VGLL4: variants seen among roughly 807,000 people sequenced by gnomAD.
VGLL4 encodes the protein transcription cofactor vestigial-like protein 4.
Under a neutral mutation model 21.0 loss-of-function variants are expected in VGLL4, and 7 were observed. That is an observed-to-expected ratio of 0.33 (90% CI 0.19 to 0.63). The LOEUF (loss-of-function observed/expected upper bound fraction) is 0.63, where lower values mean the gene tolerates loss of function less well. Among genes scored for constraint, VGLL4 ranks in the 20% least tolerant of loss-of-function variants. The pLI, the probability that VGLL4 is intolerant of heterozygous loss-of-function variation, is 0.78. For missense variants in VGLL4, 394 were observed against 425.7 expected, an observed-to-expected ratio of 0.93 and a Z score of 0.66; for synonymous variants, 222 against 173.2, an observed-to-expected ratio of 1.28 and a Z score of -2.21.
intron 2 of VGLL4, among the ~76,000 whole-genome samples, chr3:11,699,959 A>G (rs1416870819): frequency 1.3e-5 from 2 of 152,196 alleles, no homozygotes; most frequent in Admixed American, 1.3e-4. Context: ...TCTTTCCCTT[A>G]GCAGTATCGT....
intron 2 of VGLL4, among the ~76,000 whole-genome samples, chr3:11,587,850 G>GA (rs1247287149): frequency 8.8e-6 from 1 of 113,820 alleles, no homozygotes; most frequent in African/African-American, 8.3e-5. Flanking sequence ...CAAGAAACCT[G>GA]GGGGGCTTCT....
Position 11,558,471 on chromosome 3 carries a change from C to G in VGLL4, c.*85G>C. 7.3e-7 allele frequency: 1 copy of G among 1,369,954 alleles called. No individual in the cohort carries two copies. The highest frequency in any genetic ancestry group is 9.8e-7 in the Non-Finnish European group (1 of 1,021,064). The allele number at this position is 1,369,954 out of a possible 1,614,324, so 84.9% of individuals were successfully genotyped here. The stretch of plus-strand genomic sequence containing the variant: ...CCTTCCCTTCCCCCCACCCCACCCC[C>G]ATGATTTTTTTTTTTTTAAGTACTG... On this transcript the variant is annotated 3_prime_UTR_variant, in exon 5 of 5. Coordinates refer to ENST00000430365, the MANE Select transcript of VGLL4 (RefSeq NM_001128219.3).
At position 11,559,336 on chromosome 3, in the gene VGLL4, CGGT is replaced by C. The variant is rs1559851261; in HGVS notation, c.612_614del (p.Pro205del). On this transcript the variant is annotated inframe_deletion, in exon 4 of 5. Coordinates refer to ENST00000430365, the MANE Select transcript of VGLL4 (RefSeq NM_001128219.3). ...GAGGAGGCCCGGGACACTCACCGCT[CGGT>C]GGCCTCCGGTAGCTGGCAGGCCCGG... 9.7e-6 allele frequency: 15 copies of C among 1,541,014 alleles called. No homozygotes were observed. Among genetic ancestry groups the C allele is most frequent in the East Asian group, 2.4e-5 (1 of 40,934 alleles).
intron 4 of VGLL4, 135 bp downstream of exon 4, chr3:11,559,197 G>A (rs923525735): frequency 2.2e-5 from 30 of 1,389,554 alleles, no homozygotes; most frequent in Middle Eastern, 2.3e-4. Context: ...CACACTGGAC[G>A]TGCTCAAGAA....
chr3:11,593,950 G>A (rs949381493), intron 2 of VGLL4, among the ~76,000 whole-genome samples: 1 of 152,196 alleles, frequency 6.6e-6, no homozygotes, highest in Admixed American at 6.5e-5. Context: ...ATCCCAGTGT[G>A]AGCCTAGGGG....
chr3:11,678,258 G>T (rs944352647), intron 2 of VGLL4, among the ~76,000 whole-genome samples: 2 of 152,142 alleles, frequency 1.3e-5, no homozygotes, highest in African/African-American at 4.8e-5. Flanking sequence ...GTTTCACTAT[G>T]TTGGCCAGGC....
intron 2 of VGLL4, among the ~76,000 whole-genome samples, chr3:11,700,333 TAACTA>T (rs895472874): frequency 3.8e-4 from 58 of 152,346 alleles, no homozygotes; most frequent in African/African-American, 1.2e-3. Flanking sequence ...TTATTATTCC[TAACTA>T]AAGTTGGGCA....
chr3:11,562,626 G>C (rs1328322032), intron 3 of VGLL4, among the ~76,000 whole-genome samples: 1 of 152,236 alleles, frequency 6.6e-6, no homozygotes, highest in Non-Finnish European at 1.5e-5. Flanking sequence ...GCCCAGCTCG[G>C]ATTGGTGTGC....
chr3:11,666,164 G>A (rs545953266), intron 2 of VGLL4, among the ~76,000 whole-genome samples: 90 of 151,802 alleles, frequency 5.9e-4, no homozygotes, highest in Admixed American at 8.5e-4. Context: ...AGGCAGGAGA[G>A]TGGCGTGAAC....
At chr3:11,713,977 C>T (rs182445888) in intron 1 of VGLL4, among the ~76,000 whole-genome samples, 90 of 152,208 alleles carry the variant, frequency 5.9e-4, no homozygotes, top group African/African-American at 2.0e-3. Context: ...GGCAGGGGTA[C>T]GATACTTAGT....
In VGLL4 at chr3:11,624,881, G is replaced by A. The variant is rs554209090; in HGVS notation, c.82+18556C>T. Among the ~76,000 whole-genome samples the A allele has an allele frequency of 1.8e-4, 27 of 152,192 alleles. 2 individuals are homozygous for A. The South Asian group carries it at 5.4e-3, about 30-fold the overall frequency. ...AGCATTCTCTCAGCTAGCTTCTCAC[G>A]ATTACATTTAAAACCACCACAAAGC... is the stretch of plus-strand genomic sequence containing the variant. On this transcript the variant is annotated intron_variant, in intron 1 of 4. Transcript: ENST00000430365.
chr3:11,558,506 A>C lies in VGLL4; in HGVS notation c.*50T>G, dbSNP rs143606016. The C allele has an allele frequency of 4.3e-4, 678 of 1,569,912 alleles. 6 individuals are homozygous for C. The African/African-American group carries it at 7.1e-3, about 16-fold the overall frequency. ...TTTTTTTTAAGTACTGACTGTTCAA[A>C]GCTCAGGCAAACCATGCAGATCCAC... On this transcript the variant is annotated 3_prime_UTR_variant, in exon 5 of 5. Coordinates refer to ENST00000430365, the MANE Select transcript of VGLL4 (RefSeq NM_001128219.3).
intron 2 of VGLL4, among the ~76,000 whole-genome samples, chr3:11,688,119 C>T (rs1267372897): frequency 6.6e-6 from 1 of 152,068 alleles, no homozygotes; most frequent in African/African-American, 2.4e-5. Flanking sequence ...TTGAAACATC[C>T]TTGCATTCTT....
chr3:11,565,028 G>C lies in VGLL4; in HGVS notation c.273-9C>G, dbSNP rs1159984594. On this transcript the variant is annotated splice_polypyrimidine_tract_variant and intron_variant, in intron 2 of 4. Coordinates refer to ENST00000430365, the MANE Select transcript of VGLL4 (RefSeq NM_001128219.3). This position sits in a 1 kb window ranked among gnomAD's most constrained non-coding sequence, Gnocchi z 4.1. ...CATTGGCAGTCTTGTTCCTGAAAAA[G>C]AGGAATGGGCATTCAGGGGGCGTTT... The C allele has an allele frequency of 2.0e-6, 3 of 1,474,862 alleles. No homozygotes were observed. Among genetic ancestry groups the C allele is most frequent in the Non-Finnish European group, 2.7e-6 (3 of 1,114,546 alleles). The allele number at this position is 1,474,862 out of a possible 1,614,324, so 91.4% of individuals were successfully genotyped here.
intron 2 of VGLL4, among the ~76,000 whole-genome samples, chr3:11,571,513 G>A (rs539899423): frequency 4.6e-5 from 7 of 151,990 alleles, no homozygotes; most frequent in South Asian, 2.1e-4. Flanking sequence ...GCAAAACCCC[G>A]TCTCTACAAA....
In VGLL4 at chr3:11,643,531, CAAAG is replaced by C; in HGVS notation, c.-17_-14del. On this transcript the variant is annotated 5_prime_UTR_variant, in exon 1 of 5. Transcript: ENST00000430365. ...TCATAAATAGCATTTATTGGGCTAG[CAAAG>C]AAAACCAGCTCTTTGCTTTTGCCCC... 2 of 1,613,920 alleles carry C rather than the reference CAAAG, an allele frequency of 1.2e-6. No individual in the cohort carries two copies. The highest frequency in any genetic ancestry group is 1.7e-6 in the Non-Finnish European group (2 of 1,179,872).
At chr3:11,574,745 A>ACC (rs2073978142) in intron 2 of VGLL4, among the ~76,000 whole-genome samples, 2 of 150,874 alleles carry the variant, frequency 1.3e-5, no homozygotes, top group Non-Finnish European at 2.9e-5. Context: ...TTCACTATGT[A>ACC]CCCCATGAAT....
chr3:11,666,557 GAT>G (rs1185379440), intron 2 of VGLL4, among the ~76,000 whole-genome samples: 3 of 152,232 alleles, frequency 2.0e-5, no homozygotes, highest in African/African-American at 7.2e-5. Flanking sequence ...TCAGATGTGA[GAT>G]ATATCTGAAG....
intron 1 of VGLL4, among the ~76,000 whole-genome samples, chr3:11,622,992 A>G (rs2075293055): frequency 6.6e-6 from 1 of 152,206 alleles, no homozygotes; most frequent in Admixed American, 6.5e-5. Context: ...TTGAGCAAAT[A>G]TCTTAAATAG....
Sources: gnomAD v4.1 joint callset for allele counts (sites outside exome capture counted in the v4.1 genomes callset) on GRCh38, gnomAD v4.1.1 for gene constraint, Gnocchi (gnomAD v3.1) non-coding constraint, MANE v1.5 for transcripts, NCBI Gene and HGNC (gene_info 2026-07-23, HGNC 2026-07-21) for gene names.